UNC93A: variants seen among roughly 807,000 people sequenced by gnomAD.
UNC93A encodes the protein N-acetylglucosamine transporter UNC93A.
A neutral mutation model predicts 47.5 loss-of-function variants in UNC93A; 43 were observed. The observed-to-expected ratio is 0.91, with a 90% CI of 0.71 to 1.17. The LOEUF (loss-of-function observed/expected upper bound fraction) is 1.17, where lower values mean the gene tolerates loss of function less well. Among genes scored for constraint, UNC93A ranks in the 50% most tolerant of loss-of-function variants. UNC93A has a pLI of 0.00. For missense variants in UNC93A, 605 were observed against 577.6 expected (o/e 1.05, Z -0.49); for synonymous variants, 280 against 258.0 (o/e 1.09, Z -0.82).
At chr6:167,278,214 C>A (rs1482985088) in intron 1 of UNC93A, among the ~76,000 whole-genome samples, 1 of 152,160 alleles carries the variant, frequency 6.6e-6, no homozygotes, top group African/African-American at 2.4e-5. Context: ...TGACATATAC[C>A]TGAGTGAGGG....
chr6:167,285,427 C>T (rs904487813), intron 1 of UNC93A, among the ~76,000 whole-genome samples: 2 of 151,810 alleles, frequency 1.3e-5, no homozygotes, highest in Non-Finnish European at 2.9e-5. Flanking sequence ...AAGGAGTTGC[C>T]AGCCAGGAGG....
Position 167,307,869 on chromosome 6 carries a change from T to G in UNC93A, c.1067T>G (p.Leu356Arg). Residue 356 changes from leucine (L) to arginine (R), a missense_variant, in exon 7 of 8, where the codon CTG (leucine) becomes CGG (arginine). By Grantham distance (102) the Leu-to-Arg change is moderately radical. Transcript: ENST00000230256. ...HLAVFFVFSG[L>R]WGVADAVWQT... ...GCAGTGTTCTTCGTATTCTCTGGCC[T>G]GTGGGGCGTGGCAGATGCCGTCTGG... The G allele has an allele frequency of 6.2e-7, 1 of 1,613,980 alleles. No homozygotes were observed.
At chr6:167,276,036 C>A (rs1209573090) in intron 1 of UNC93A, among the ~76,000 whole-genome samples, 1 of 150,628 alleles carries the variant, frequency 6.6e-6, no homozygotes, top group Non-Finnish European at 1.5e-5. Flanking sequence ...CTTTTTAACT[C>A]TATGAGATCA....
intron 3 of UNC93A, among the ~76,000 whole-genome samples, chr6:167,297,541 T>G (rs2076010): frequency 0.22 from 33,270 of 151,952 alleles, 3,838 homozygotes; most frequent in African/African-American, 0.29. Flanking sequence ...CCAAAGTCAT[T>G]GAGTTGGTAA....
At chr6:167,301,657 T>G (rs1040105722) in intron 4 of UNC93A, among the ~76,000 whole-genome samples, 1 of 152,182 alleles carries the variant, frequency 6.6e-6, no homozygotes, top group Non-Finnish European at 1.5e-5. Context: ...GTGTGGCTTC[T>G]GTGTTCATAA....
intron 4 of UNC93A, among the ~76,000 whole-genome samples, chr6:167,303,153 G>A (rs778567977): frequency 1.1e-4 from 16 of 152,200 alleles, no homozygotes; most frequent in Non-Finnish European, 1.9e-4. Flanking sequence ...GCGGTGGGGA[G>A]TCTCCCTCTC....
In UNC93A at chr6:167,300,266, G is replaced by A. The variant is rs114892256; in HGVS notation, c.625+2196G>A. ...TCATGTCAGGGATGAGGCTCTTAGGGAGAAAAAGCAGAGGGAATTGTTACA... is the reference window on the plus strand; with the variant it reads ...TCATGTCAGGGATGAGGCTCTTAGGAAGAAAAAGCAGAGGGAATTGTTACA... On this transcript the variant is annotated intron_variant, in intron 4 of 7. Transcript: ENST00000230256. Among the ~76,000 whole-genome samples the A allele has an allele frequency of 1.1e-3, 174 of 152,298 alleles. 1 individual carries two copies. The highest frequency in any genetic ancestry group is 4.0e-3 in the African/African-American group (165 of 41,550).
chr6:167,279,258 T>C (rs564957619), intron 1 of UNC93A, among the ~76,000 whole-genome samples: 2 of 152,180 alleles, frequency 1.3e-5, no homozygotes, highest in Middle Eastern at 3.4e-3. Context: ...TAGAGAGAGA[T>C]AGATAGAGAG....
intron 1 of UNC93A, among the ~76,000 whole-genome samples, chr6:167,285,015 A>AG (rs1354408898): frequency 6.6e-6 from 1 of 151,608 alleles, no homozygotes; most frequent in Non-Finnish European, 1.5e-5. Flanking sequence ...ACACATCATC[A>AG]GCTTGATTTT....
chr6:167,287,804 C>G (rs565556175), upstream of UNC93A, among the ~76,000 whole-genome samples: 1 of 152,244 alleles, frequency 6.6e-6, no homozygotes, highest in South Asian at 2.1e-4. Context: ...TACACGATCC[C>G]CCTGACTATG....
chr6:167,269,259 C>A (rs1165823401), upstream of UNC93A, among the ~76,000 whole-genome samples: 1 of 152,182 alleles, frequency 6.6e-6, no homozygotes, highest in Non-Finnish European at 1.5e-5. Context: ...GCTGAGGGAA[C>A]CACGGTGAGC....
intron 7 of UNC93A, among the ~76,000 whole-genome samples, chr6:167,313,017 G>A (rs1338226816): frequency 7.9e-5 from 12 of 152,264 alleles, no homozygotes; most frequent in East Asian, 1.9e-4. Context: ...CAGTTCCAGC[G>A]GCTTCATCTG....
At chr6:167,282,377 C>A (rs1783648605) in intron 1 of UNC93A, among the ~76,000 whole-genome samples, 1 of 151,938 alleles carries the variant, frequency 6.6e-6, no homozygotes, top group Non-Finnish European at 1.5e-5. Flanking sequence ...GCATAGGGGG[C>A]CCCACCAAGG....
chr6:167,281,175 C>G (rs1783627603), intron 1 of UNC93A, among the ~76,000 whole-genome samples: 2 of 151,588 alleles, frequency 1.3e-5, no homozygotes, highest in Non-Finnish European at 2.9e-5. Flanking sequence ...GGTCATCCCA[C>G]TGAGAGGAGC....
At chr6:167,314,198 A>G (rs1337535364) in intron 7 of UNC93A, among the ~76,000 whole-genome samples, 3 of 151,664 alleles carry the variant, frequency 2.0e-5, no homozygotes, top group Non-Finnish European at 4.4e-5. Flanking sequence ...GGGCAGAGCG[A>G]ATCTTCGGCA....
At chr6:167,301,815 A>G (rs984681413) in intron 4 of UNC93A, among the ~76,000 whole-genome samples, 7 of 152,102 alleles carry the variant, frequency 4.6e-5, no homozygotes, top group Admixed American at 2.6e-4. Context: ...CCTTTTCCAC[A>G]TGGTCTACAC....
At position 167,291,541 on chromosome 6, in the gene UNC93A, C is replaced by G. The variant is rs747473699; in HGVS notation, c.52C>G (p.Leu18Val). The G allele has an allele frequency of 1.9e-6, 3 of 1,613,706 alleles. No homozygotes were observed. In the East Asian group the frequency reaches 6.7e-5, roughly 36 times the overall value. Residue 18 changes from leucine to valine, a missense_variant, in exon 1 of 8, where the codon CTC becomes GTC. Leu to Val is a conservative substitution (Grantham distance 32). Coordinates refer to ENST00000230256, the MANE Select transcript of UNC93A (RefSeq NM_018974.4). Reference sequence around the variant, plus strand: ...TGTGGTTTCCTTTGGGTTCCTGCTTCTCTTTACAGCCTATGGAGGTCTGCA... The same window carrying G: ...TGTGGTTTCCTTTGGGTTCCTGCTTGTCTTTACAGCCTATGGAGGTCTGCA... Reference protein sequence around the residue: ...VLVVSFGFLLLFTAYGGLQSL... With the variant: ...VLVVSFGFLLVFTAYGGLQSL...
chr6:167,275,755 A>G, intron 1 of UNC93A, among the ~76,000 whole-genome samples: 1 of 152,252 alleles, frequency 6.6e-6, no homozygotes, highest in South Asian at 2.1e-4. Flanking sequence ...ATCTGTGTCC[A>G]GCTCAGATGC....
chr6:167,294,872 T>G (rs2076008), intron 2 of UNC93A, among the ~76,000 whole-genome samples, 174 bp downstream of exon 2: 42,246 of 151,842 alleles, frequency 0.28, 6,221 homozygotes, highest in East Asian at 0.37. Context: ...GTGCTGGGCT[T>G]CCTTCCTGTT....
Sources: allele counts gnomAD v4.1 joint callset (sites outside exome capture counted in the v4.1 genomes callset), GRCh38; gene constraint gnomAD v4.1.1; transcripts MANE v1.5; gene names NCBI Gene and HGNC (gene_info 2026-07-23, HGNC 2026-07-21).